Variants in BAIAP2L1 observed in about 807,000 individuals in gnomAD.
The protein encoded by BAIAP2L1 is BAR/IMD domain containing adaptor protein 2 like 1, also known as BAR/IMD domain-containing adapter protein 2-like 1.
In BAIAP2L1, 35 loss-of-function variants were observed where a neutral mutation model predicts 66.3. The ratio of observed to expected loss-of-function variants is 0.53; its 90% CI spans 0.40 to 0.70. The LOEUF (loss-of-function observed/expected upper bound fraction) is 0.70. Among genes scored for constraint, BAIAP2L1 ranks in the 30% least tolerant of loss-of-function variants. The pLI, the probability that BAIAP2L1 is intolerant of heterozygous loss-of-function variation, is 0.00. For missense variants in BAIAP2L1, 622 were observed against 656.9 expected (o/e 0.95, Z 0.58); for synonymous variants, 269 against 248.7 (o/e 1.08, Z -0.77).
intron 12 of BAIAP2L1, among the ~76,000 whole-genome samples, chr7:98,301,360 G>T (rs1295596674): frequency 6.6e-6 from 1 of 152,022 alleles, no homozygotes; most frequent in Non-Finnish European, 1.5e-5. Flanking sequence ...ATTAGAATCC[G>T]CATAAGGAGG....
At chr7:98,396,982 G>C (rs541384331) in intron 1 of BAIAP2L1, among the ~76,000 whole-genome samples, 1 of 152,220 alleles carries the variant, frequency 6.6e-6, no homozygotes, top group African/African-American at 2.4e-5. Context: ...CTATGTGCCA[G>C]GAACTGTTTT....
intron 12 of BAIAP2L1, among the ~76,000 whole-genome samples, chr7:98,296,539 C>T (rs924880253): frequency 1.3e-5 from 2 of 152,146 alleles, no homozygotes; most frequent in South Asian, 2.1e-4. Context: ...GCAGGAGAAT[C>T]GCTTGAACAG....
intron 3 of BAIAP2L1, among the ~76,000 whole-genome samples, chr7:98,340,959 GTTTTT>G (rs72057720): frequency 2.3e-5 from 3 of 129,568 alleles, no homozygotes; most frequent in African/African-American, 8.6e-5. Flanking sequence ...CAGCTAATTG[GTTTTT>G]TTTTTTTTTT....
intron 3 of BAIAP2L1, among the ~76,000 whole-genome samples, chr7:98,342,636 T>C (rs1801771080): frequency 6.6e-6 from 1 of 152,184 alleles, no homozygotes; most frequent in African/African-American, 2.4e-5. Context: ...ATTTACATAA[T>C]GGTGAGCTCT....
At chr7:98,296,871 GCAT>G (rs1344985763) in intron 12 of BAIAP2L1, among the ~76,000 whole-genome samples, 1 of 152,142 alleles carries the variant, frequency 6.6e-6, no homozygotes, top group Non-Finnish European at 1.5e-5. Flanking sequence ...GGGTCTCACA[GCAT>G]CCTCCCTGCG....
chr7:98,377,715 G>T (rs777108753), intron 1 of BAIAP2L1, among the ~76,000 whole-genome samples: 1 of 151,310 alleles, frequency 6.6e-6, no homozygotes, highest in Non-Finnish European at 1.5e-5. Context: ...CTACTCAGGA[G>T]GCTGAGGCAG....
At chr7:98,299,507 C>T (rs895127178) in intron 12 of BAIAP2L1, among the ~76,000 whole-genome samples, 2 of 151,004 alleles carry the variant, frequency 1.3e-5, no homozygotes, top group Non-Finnish European at 2.9e-5. Flanking sequence ...TTGACCACCA[C>T]GTTATGGATC....
At chr7:98,357,049 A>ATAT (rs1406909573) in intron 2 of BAIAP2L1, among the ~76,000 whole-genome samples, 252 of 12,634 alleles carry the variant, frequency 0.02, 9 homozygotes, top group Non-Finnish European at 0.027. Flanking sequence ...ATATATATAT[A>ATAT]TTTTTTTTTT....
At chr7:98,399,304 CAG>C (rs532481162) in intron 1 of BAIAP2L1, among the ~76,000 whole-genome samples, 129 of 152,292 alleles carry the variant, frequency 8.5e-4, no homozygotes, top group African/African-American at 2.9e-3. Flanking sequence ...TTATATGTGA[CAG>C]TATACACTTT....
chr7:98,321,556 C>A (rs1801248112), intron 3 of BAIAP2L1, among the ~76,000 whole-genome samples: 1 of 152,182 alleles, frequency 6.6e-6, no homozygotes, highest in African/African-American at 2.4e-5. Flanking sequence ...GCAATCATAT[C>A]TCTGCAGTGA....
rs879812433 is a variant in BAIAP2L1 at position 98,297,400 on chromosome 7, C to T, written c.1423-3289G>A. On this transcript the variant is annotated intron_variant, in intron 12 of 13. Coordinates refer to ENST00000005260, the MANE Select transcript of BAIAP2L1 (RefSeq NM_018842.5). ...CGGAGCACCGAGCACCACTTTTTCC[C>T]TTGGGCTGCAGCAGAGAATGCTGGT... Among the ~76,000 whole-genome samples the T allele has an allele frequency of 1.2e-3, 190 of 152,288 alleles. 1 individual carries two copies. Among genetic ancestry groups the T allele is most frequent in the Admixed American group, 2.9e-3 (44 of 15,292 alleles).
chr7:98,395,953 T>C (rs1803197570), intron 1 of BAIAP2L1, among the ~76,000 whole-genome samples: 1 of 152,222 alleles, frequency 6.6e-6, no homozygotes, highest in Non-Finnish European at 1.5e-5. Context: ...GTGACACTAT[T>C]TCAGTTTTGG....
chr7:98,312,148 G>C lies in BAIAP2L1; in HGVS notation c.756C>G (p.Thr252=), dbSNP rs201882051. 1 of 1,613,948 alleles carries C rather than the reference G, an allele frequency of 6.2e-7. No individual in the cohort carries two copies. The highest frequency in any genetic ancestry group is 8.5e-7 in the Non-Finnish European group (1 of 1,179,954). The change falls in exon 8 of 14, where the codon ACC becomes ACG. Residue 252 remains threonine (T), a synonymous_variant. Coordinates refer to ENST00000005260, the MANE Select transcript of BAIAP2L1 (RefSeq NM_018842.5). ...AAGCCTGAGGAGTTCCAGACACGGG[G>C]GTAGAGGCTGGGGTCTTTATTTCTT... ...MIEEIKTPAS[T]PVSGTPQASP...
Position 98,317,265 on chromosome 7 carries a change from C to T in BAIAP2L1, c.440G>A (p.Ser147Asn). The change falls in exon 6 of 14, where the codon AGC (serine) becomes AAC (asparagine). Residue 147 changes from serine to asparagine, a missense_variant. Physicochemically the swap from Ser to Asn is conservative, Grantham distance 46. Coordinates refer to ENST00000005260, the MANE Select transcript of BAIAP2L1 (RefSeq NM_018842.5). ...TTTGAGTGCGTTTCGGCTTCCTTGG[C>T]TTTTCCTTCTGATCTTCTTCAACTC... Reference protein sequence around the residue: ...QAELKKIRRKSQGSRNALKYE... With the variant: ...QAELKKIRRKNQGSRNALKYE... The T allele has an allele frequency of 1.9e-6, 3 of 1,614,196 alleles. No individual in the cohort carries two copies. Among genetic ancestry groups the T allele is most frequent in the Non-Finnish European group, 2.5e-6 (3 of 1,180,042 alleles).
chr7:98,302,420 C>T (rs74374227), intron 12 of BAIAP2L1, among the ~76,000 whole-genome samples: 159 of 152,270 alleles, frequency 1.0e-3, no homozygotes, highest in African/African-American at 3.4e-3. Context: ...GCAGGCTAGG[C>T]GAACATCAAC....
At chr7:98,347,946 A>G (rs1258804946) in intron 3 of BAIAP2L1, among the ~76,000 whole-genome samples, 2 of 152,046 alleles carry the variant, frequency 1.3e-5, no homozygotes, top group Non-Finnish European at 1.5e-5. Flanking sequence ...CAATGAGAAC[A>G]TGGACATAGG....
chr7:98,312,100 A>G lies in BAIAP2L1; in HGVS notation c.804T>C (p.Asn268=). Residue 268 remains asparagine (N), a synonymous_variant, in exon 8 of 14, where the codon AAT becomes AAC. Transcript: ENST00000005260. ...GGAAGAGAAAACTGGCTCCTACCAC[A>G]TTGCTTCTCTCGATCATGGGTGAAG... ...PQASPMIERS[N]VVRKDYDTLS... is the part of the protein sequence containing the mutation. 1.3e-6 allele frequency: 2 copies of G among 1,595,368 alleles called. No individual in the cohort carries two copies. Among genetic ancestry groups the G allele is most frequent in the Non-Finnish European group, 1.7e-6 (2 of 1,173,004 alleles).
Position 98,367,419 on chromosome 7 carries a change from G to T in BAIAP2L1, c.52-4987C>A, listed in dbSNP as rs564148040. On this transcript the variant is annotated intron_variant, in intron 1 of 13. Coordinates refer to ENST00000005260, the MANE Select transcript of BAIAP2L1 (RefSeq NM_018842.5). The stretch of plus-strand genomic sequence containing the variant: ...AGAGTCTTGCTCTGTTGCCCAGGTT[G>T]GAGTGCAGTGGTACGATCTCAGCTC... Among the ~76,000 whole-genome samples the T allele has an allele frequency of 3.3e-3, 498 of 152,040 alleles. 3 individuals carry two copies. Among genetic ancestry groups the T allele is most frequent in the African/African-American group, 0.011 (472 of 41,446 alleles).
At chr7:98,370,765 T>C (rs1802495511) in intron 1 of BAIAP2L1, among the ~76,000 whole-genome samples, 1 of 152,136 alleles carries the variant, frequency 6.6e-6, no homozygotes, top group African/African-American at 2.4e-5. Context: ...CCTCCCAAAG[T>C]GCTGGGATTA....
Sources: allele counts gnomAD v4.1 joint callset (sites outside exome capture counted in the v4.1 genomes callset), GRCh38; gene constraint gnomAD v4.1.1; transcripts MANE v1.5; gene names NCBI Gene and HGNC (gene_info 2026-07-23, HGNC 2026-07-21).